BDKRB2: variants seen among roughly 807,000 people sequenced by gnomAD.
BDKRB2 encodes B2 bradykinin receptor.
BDKRB2 carries 6 observed loss-of-function variants against 4.0 expected under a neutral mutation model. The ratio of observed to expected loss-of-function variants is 1.49; its 90% confidence interval spans 0.81 to 2.93. The LOEUF (loss-of-function observed/expected upper bound fraction) is 2.93, where lower values mean the gene tolerates loss of function less well. Ranked by LOEUF, BDKRB2 falls within the 30% of genes most tolerant of loss-of-function variation. The pLI is 0.00. For missense variants in BDKRB2, 478 were observed against 520.1 expected, an observed-to-expected ratio of 0.92 and a Z score of 0.79; for synonymous variants, 225 against 215.3, an observed-to-expected ratio of 1.05 and a Z score of -0.40.
At chr14:96,239,140 C>T in intron 2 of BDKRB2, 2 of 985,516 alleles carry the variant, frequency 2.0e-6, no homozygotes, top group Non-Finnish European at 2.4e-6. Context: ...CCAGAAAGAG[C>T]CCCTTTTCCT....
intron 2 of BDKRB2, chr14:96,238,645 A>G (rs1476657464): frequency 1.0e-6 from 1 of 974,312 alleles, no homozygotes; most frequent in East Asian, 1.1e-4. Context: ...TTTCCAGAAC[A>G]TACCAACAGC....
rs201268118 is a variant in BDKRB2, at chr14:96,240,955, C to A, written c.627C>A (p.Thr209=). 5 of 1,592,642 alleles carry A rather than the reference C, an allele frequency of 3.1e-6. No individual in the cohort carries two copies. In the South Asian group the frequency reaches 5.8e-5, roughly 18 times the overall value. Residue 209 remains threonine (T), a synonymous_variant, in exon 3 of 3, where the codon ACC becomes ACA. Transcript: ENST00000554311. ...ACAGCGATGAGGGCCACAACGTCAC[C>A]GCTTGTGTCATCAGCTACCCATCCC... The part of the protein sequence containing the change: ...KEYSDEGHNV[T]ACVISYPSLI...
intron 1 of BDKRB2, among the ~76,000 whole-genome samples, chr14:96,218,715 C>T (rs1890483823): frequency 6.6e-6 from 1 of 151,964 alleles, no homozygotes; most frequent in South Asian, 2.1e-4. Context: ...GTCAAGAGTT[C>T]GAGACCAGCC....
At chr14:96,218,192 A>G (rs1224241555) in intron 1 of BDKRB2, among the ~76,000 whole-genome samples, 2 of 152,080 alleles carry the variant, frequency 1.3e-5, no homozygotes, top group Admixed American at 6.5e-5. Context: ...CAGGGTTGAG[A>G]TGCTCGTGCA....
intron 1 of BDKRB2, among the ~76,000 whole-genome samples, chr14:96,225,955 A>G (rs1273590417): frequency 6.6e-6 from 1 of 151,884 alleles, no homozygotes; most frequent in South Asian, 2.1e-4. Context: ...ACCGGAGACC[A>G]CCAGGGGGCT....
intron 1 of BDKRB2, among the ~76,000 whole-genome samples, chr14:96,205,497 G>A (rs1004173045): frequency 6.6e-6 from 1 of 151,860 alleles, no homozygotes; most frequent in Non-Finnish European, 1.5e-5. Context: ...GGGGTGGGGG[G>A]GTTTGTGAAT....
At chr14:96,216,766 GGAA>G (rs1566688948) in intron 1 of BDKRB2, among the ~76,000 whole-genome samples, 2 of 113,424 alleles carry the variant, frequency 1.8e-5, no homozygotes, top group African/African-American at 3.5e-5. Context: ...AGGAGGAGGA[GGAA>G]GGAGGAGGAG....
intron 2 of BDKRB2, 36 bp from the exon 3 acceptor site, chr14:96,240,367 C>G (rs767434993): frequency 3.5e-6 from 5 of 1,424,090 alleles, no homozygotes; most frequent in Non-Finnish European, 4.6e-6. Context: ...CCTTGTGACC[C>G]TGAGGGGTAA....
In BDKRB2 at chr14:96,204,891, T is replaced by C. The variant is rs2139759935; in HGVS notation, c.-108T>C. The C allele has an allele frequency of 4.0e-6, 1 of 251,096 alleles. No homozygotes were observed. Among genetic ancestry groups the C allele is most frequent in the Non-Finnish European group, 7.7e-6 (1 of 129,746 alleles). The allele number at this position is 251,096 out of a possible 1,614,324, so 15.6% of individuals were successfully genotyped here. A position where few individuals can be genotyped will look rare whatever the true frequency, so the allele number is the denominator to read the frequency against. On this transcript the variant is annotated 5_prime_UTR_variant, in exon 1 of 3. Coordinates refer to ENST00000554311, the MANE Select transcript of BDKRB2 (RefSeq NM_001379692.1). ...GGAGGGGTGGGGACGGTGGGGACGGTGGGGACATCAGGCTGCCCCGCAGTA... is the reference window on the plus strand; with the variant it reads ...GGAGGGGTGGGGACGGTGGGGACGGCGGGGACATCAGGCTGCCCCGCAGTA...
Position 96,237,071 on chromosome 14 carries a change from C to A in BDKRB2, c.-37C>A. ...ACCATCTTTTCTTCTCTGTTCAGCC[C>A]AGGTGTGGCCTCACTCACATCCCAC... On this transcript the variant is annotated splice_region_variant and 5_prime_UTR_variant, in exon 2 of 3. Coordinates refer to ENST00000554311, the MANE Select transcript of BDKRB2 (RefSeq NM_001379692.1). The A allele has an allele frequency of 6.5e-7, 1 of 1,545,450 alleles. No individual in the cohort carries two copies. Among genetic ancestry groups the A allele is most frequent in the Non-Finnish European group, 8.9e-7 (1 of 1,117,406 alleles).
At chr14:96,216,761 G>A (rs1405569191) in intron 1 of BDKRB2, among the ~76,000 whole-genome samples, 2 of 129,672 alleles carry the variant, frequency 1.5e-5, no homozygotes, top group Admixed American at 7.4e-5. Context: ...GGAGGAGGAG[G>A]AGGAGGAAGG....
At chr14:96,217,665 G>A (rs1890457685) in intron 1 of BDKRB2, among the ~76,000 whole-genome samples, 1 of 152,094 alleles carries the variant, frequency 6.6e-6, no homozygotes, top group African/African-American at 2.4e-5. Flanking sequence ...GGGGGCTGGG[G>A]GTCTATCCCA....
intron 1 of BDKRB2, among the ~76,000 whole-genome samples, chr14:96,218,015 C>T (rs936525238): frequency 3.3e-5 from 5 of 152,080 alleles, no homozygotes; most frequent in African/African-American, 1.2e-4. Context: ...TTTGCTGAGC[C>T]TCAGTTCCTT....
chr14:96,217,388 TAATC>T (rs566159961), intron 1 of BDKRB2, among the ~76,000 whole-genome samples: 514 of 152,350 alleles, frequency 3.4e-3, no homozygotes, highest in African/African-American at 0.012. Context: ...TTTTACAAAA[TAATC>T]TATCTTATCA....
chr14:96,219,420 G>T (rs1890503294), intron 1 of BDKRB2, among the ~76,000 whole-genome samples: 1 of 151,952 alleles, frequency 6.6e-6, no homozygotes, highest in Non-Finnish European at 1.5e-5. Context: ...GGGAGGGGTG[G>T]GGACCGGGAC....
chr14:96,212,804 T>A, intron 1 of BDKRB2, among the ~76,000 whole-genome samples: 1 of 152,158 alleles, frequency 6.6e-6, no homozygotes, highest in South Asian at 2.1e-4. Context: ...GTTTTGCTGA[T>A]GCTCCTGTGT....
chr14:96,232,244 G>A (rs374208098), intron 1 of BDKRB2, among the ~76,000 whole-genome samples: 7 of 152,352 alleles, frequency 4.6e-5, no homozygotes, highest in African/African-American at 1.7e-4. Flanking sequence ...AGATGGGGCT[G>A]TTTAAAATAC....
intron 2 of BDKRB2, chr14:96,238,916 C>G (rs1885187271): frequency 1.0e-6 from 1 of 985,876 alleles, no homozygotes; most frequent in Non-Finnish European, 1.2e-6. Flanking sequence ...TTCTTGCACT[C>G]AGGGCAGAGC....
rs200081924 is a variant in BDKRB2, at chr14:96,242,258, T to C, written c.*754T>C. 8.5e-5 allele frequency: 13 copies of C among 152,224 alleles called. No individual in the cohort carries two copies. The East Asian group carries it at 1.7e-3, about 20-fold the overall frequency. 9.4% of individuals were successfully genotyped at this position (152,224 alleles called of 1,614,324 possible). ...TGTTCGACGAGACGGTCGAGCAGGG[T>C]GCTGTGGGTGATATGGACAGCAGAA... On this transcript the variant is annotated 3_prime_UTR_variant, in exon 3 of 3. Coordinates refer to ENST00000554311, the MANE Select transcript of BDKRB2 (RefSeq NM_001379692.1).
Sources: allele counts gnomAD v4.1 joint callset (sites outside exome capture counted in the v4.1 genomes callset), GRCh38; gene constraint gnomAD v4.1.1; transcripts MANE v1.5; gene names NCBI Gene and HGNC (gene_info 2026-07-23, HGNC 2026-07-21).